The following MYO3B variants were observed in gnomAD, a reference collection of about 807,000 sequenced individuals.
MYO3B encodes myosin IIIB.
MYO3B carries 156 observed loss-of-function variants against 174.6 expected under a neutral mutation model. That is an observed-to-expected ratio of 0.89 (90% confidence interval 0.78 to 1.02). The LOEUF (loss-of-function observed/expected upper bound fraction) is 1.02, where lower values mean the gene tolerates loss of function less well. MYO3B is among the 50% of genes least tolerant of loss of function. The probability of loss-of-function intolerance (pLI) is 0.00; values close to 1 mark genes in which losing one functional copy is unlikely to be tolerated. For missense variants in MYO3B, 1,632 were observed against 1,639.4 expected, an observed-to-expected ratio of 1.00 and a Z score of 0.08; for synonymous variants, 563 against 569.1, an observed-to-expected ratio of 0.99 and a Z score of 0.15.
rs1285205349 is a variant in MYO3B, at chr2:170,200,218, A to G, written c.255A>G (p.Val85=). 3.1e-6 allele frequency: 5 copies of G among 1,613,428 alleles called. No homozygotes were observed. The highest frequency in any genetic ancestry group is 1.6e-4 in the Middle Eastern group (1 of 6,076). Residue 85 remains valine (V), a synonymous_variant, in exon 3 of 35, where the codon GTA becomes GTG. Transcript: ENST00000408978. Reference sequence around the variant, plus strand: ...TCCTTCCTAATCATCCCAATGTTGTAAAGTTTTATGGGATGTTTTACAAAG... The same window carrying G: ...TCCTTCCTAATCATCCCAATGTTGTGAAGTTTTATGGGATGTTTTACAAAG... ...LQFLPNHPNV[V]KFYGMFYKAD...
intron 32 of MYO3B, among the ~76,000 whole-genome samples, chr2:170,578,785 G>A (rs139786315): frequency 2.0e-5 from 3 of 152,328 alleles, no homozygotes; most frequent in Non-Finnish European, 2.9e-5. Context: ...GCCCCGCTGC[G>A]AGGAATTGTG....
chr2:170,267,049 A>G (rs2093389075), intron 7 of MYO3B, among the ~76,000 whole-genome samples: 1 of 152,250 alleles, frequency 6.6e-6, no homozygotes, highest in Admixed American at 6.5e-5. Flanking sequence ...ATATTTCTGT[A>G]TTAGAGCCAG....
Position 170,522,202 on chromosome 2 carries a change from C to T in MYO3B, c.3575+2662C>T, listed in dbSNP as rs575286366. Among the ~76,000 whole-genome samples the T allele has an allele frequency of 3.0e-3, 450 of 152,242 alleles. 2 individuals carry two copies. Among genetic ancestry groups the T allele is most frequent in the Non-Finnish European group, 4.3e-3 (290 of 68,022 alleles). ...GTATCAAGTCTCTGCTAGGTGAGCACGAGTCGCAAGTCTCTGTTCTGAGCT... is the reference window on the plus strand; with the variant it reads ...GTATCAAGTCTCTGCTAGGTGAGCATGAGTCGCAAGTCTCTGTTCTGAGCT... On this transcript the variant is annotated intron_variant, in intron 30 of 34. Coordinates refer to ENST00000408978, the MANE Select transcript of MYO3B (RefSeq NM_138995.5).
chr2:170,336,010 A>G (rs954056598), intron 8 of MYO3B, among the ~76,000 whole-genome samples: 7 of 152,188 alleles, frequency 4.6e-5, no homozygotes, highest in African/African-American at 1.4e-4. Flanking sequence ...GGTAGGAGCT[A>G]TGTCACTAGG....
At chr2:170,392,165 C>T (rs909988873) in intron 15 of MYO3B, among the ~76,000 whole-genome samples, 7 of 150,134 alleles carry the variant, frequency 4.7e-5, no homozygotes, top group Non-Finnish European at 1.0e-4. Context: ...TGGTGGCATA[C>T]ACCTGTAGTC....
intron 32 of MYO3B, among the ~76,000 whole-genome samples, chr2:170,601,396 A>G (rs531324776): frequency 3.2e-4 from 48 of 152,370 alleles, no homozygotes; most frequent in African/African-American, 1.1e-3. Flanking sequence ...ATACTGTACC[A>G]GGCAAGGTTA....
At chr2:170,412,791 T>C (rs10497371) in intron 22 of MYO3B, among the ~76,000 whole-genome samples, 24,309 of 152,184 alleles carry the variant, frequency 0.16, 2,229 homozygotes, top group East Asian at 0.36. Flanking sequence ...TGAATCTAAT[T>C]GACAAAATTT....
At chr2:170,400,693 C>T (rs2094470147) in intron 17 of MYO3B, among the ~76,000 whole-genome samples, 1 of 148,088 alleles carries the variant, frequency 6.8e-6, no homozygotes, top group African/African-American at 2.5e-5. Flanking sequence ...ACCCAGCCTG[C>T]TGGTCTTTCT....
intron 22 of MYO3B, among the ~76,000 whole-genome samples, chr2:170,440,645 C>G (rs1478660752): frequency 6.6e-6 from 1 of 151,474 alleles, no homozygotes; most frequent in Non-Finnish European, 1.5e-5. Flanking sequence ...CCCAGCTACT[C>G]AGGAGGCTGA....
intron 18 of MYO3B, 59 bp from the exon 19 acceptor site, chr2:170,402,789 C>T: frequency 6.7e-7 from 1 of 1,500,256 alleles, no homozygotes; most frequent in Non-Finnish European, 9.0e-7. Flanking sequence ...CATATATTCT[C>T]ATCCTCTTTA....
At chr2:170,265,717 G>A (rs1379369891) in intron 7 of MYO3B, among the ~76,000 whole-genome samples, 1 of 152,216 alleles carries the variant, frequency 6.6e-6, no homozygotes, top group East Asian at 1.9e-4. Flanking sequence ...TGGTCCTACT[G>A]AGAGTCTCCT....
At position 170,439,170 on chromosome 2, in the gene MYO3B, A is replaced by C. The variant is rs375353697; in HGVS notation, c.2651-4797A>C. On this transcript the variant is annotated intron_variant, in intron 22 of 34. Coordinates refer to ENST00000408978, the MANE Select transcript of MYO3B (RefSeq NM_138995.5). The stretch of plus-strand genomic sequence containing the variant: ...GGCGGATCATGAGGTCAGGAGATTG[A>C]GTCCAGCCTGGCTAACACGGTGAAA... 4.0e-5 allele frequency among the ~76,000 whole-genome samples: 6 copies of C among 150,392 alleles called. No individual in the cohort carries two copies. The South Asian group carries it at 1.3e-3, about 32-fold the overall frequency.
In MYO3B at chr2:170,258,268, C is replaced by T. The variant is rs1047283026; in HGVS notation, c.749+22132C>T. On this transcript the variant is annotated intron_variant, in intron 7 of 34. Transcript: ENST00000408978. ...CCAATGAGACAGTGAAAAAAGAAAACGTCAGGCCAGTATCCCTGATGAATA... is the reference window on the plus strand; with the variant it reads ...CCAATGAGACAGTGAAAAAAGAAAATGTCAGGCCAGTATCCCTGATGAATA... Among the ~76,000 whole-genome samples, 9 of 151,964 alleles carry T rather than the reference C, an allele frequency of 5.9e-5. No homozygotes were observed. In the East Asian group the frequency reaches 7.7e-4, roughly 13 times the overall value.
At chr2:170,612,051 GCCA>G (rs959848621) in intron 32 of MYO3B, among the ~76,000 whole-genome samples, 2 of 152,170 alleles carry the variant, frequency 1.3e-5, no homozygotes, top group African/African-American at 4.8e-5. Context: ...GGACTGCCTG[GCCA>G]CACCTTCCCT....
intron 25 of MYO3B, among the ~76,000 whole-genome samples, chr2:170,483,887 C>T (rs1685860907): frequency 6.6e-6 from 1 of 152,082 alleles, no homozygotes; most frequent in South Asian, 2.1e-4. Flanking sequence ...CTCGATGTGG[C>T]CTTGGAATCC....
At chr2:170,331,854 CA>C (rs1191218215) in intron 7 of MYO3B, among the ~76,000 whole-genome samples, 1 of 152,174 alleles carries the variant, frequency 6.6e-6, no homozygotes, top group Non-Finnish European at 1.5e-5. Context: ...TCAAAGGCAG[CA>C]ATGACGGGTT....
At chr2:170,240,020 C>T (rs779774560) in intron 7 of MYO3B, among the ~76,000 whole-genome samples, 8 of 152,138 alleles carry the variant, frequency 5.3e-5, no homozygotes, top group Non-Finnish European at 1.2e-4. Context: ...TCTCTGGCTT[C>T]GTTTTCACAT....
intron 8 of MYO3B, among the ~76,000 whole-genome samples, chr2:170,341,692 C>A (rs980472482): frequency 2.6e-5 from 4 of 152,174 alleles, no homozygotes; most frequent in African/African-American, 9.7e-5. Context: ...CCTCACTTAA[C>A]ATACATTGAT....
chr2:170,215,688 ATTT>A (rs891415784), intron 5 of MYO3B, among the ~76,000 whole-genome samples: 23 of 152,324 alleles, frequency 1.5e-4, no homozygotes, highest in African/African-American at 5.1e-4. Context: ...GTACTAGTCT[ATTT>A]TTACTGAAAC....
Sources: allele counts gnomAD v4.1 joint callset (sites outside exome capture counted in the v4.1 genomes callset), GRCh38; gene constraint gnomAD v4.1.1; transcripts MANE v1.5; gene names NCBI Gene and HGNC (gene_info 2026-07-23, HGNC 2026-07-21).